Variants in PRKN observed in about 807,000 individuals in gnomAD.
PRKN encodes the protein E3 ubiquitin-protein ligase parkin.
In PRKN, 56 loss-of-function variants were observed where a neutral mutation model predicts 59.5. That is an observed-to-expected ratio of 0.94 (90% CI 0.76 to 1.18). PRKN has a LOEUF of 1.18. PRKN is among the 50% of genes most tolerant of loss of function. The pLI, the probability that PRKN is intolerant of heterozygous loss-of-function variation, is 0.00. For synonymous variants in PRKN, 250 were observed against 222.1 expected (o/e 1.13, Z -1.12); for missense variants, 657 against 596.4 (o/e 1.10, Z -1.06).
rs145451710 is a variant in PRKN at position 162,090,140 on chromosome 6, T to TTG, written c.535-35968_535-35967dup. Reference sequence around the variant, plus strand: ...AAAGTGCTGAGGAACCACGCAGTATTTGTGTGTGTGTGTGTGTCTGTGTAC... The same window carrying TTG: ...AAAGTGCTGAGGAACCACGCAGTATTTGTGTGTGTGTGTGTGTGTCTGTGTAC... On this transcript the variant is annotated intron_variant, in intron 4 of 11. Transcript: ENST00000366898. 4.8e-3 allele frequency among the ~76,000 whole-genome samples: 720 copies of TTG among 150,768 alleles called. 7 individuals carry two copies. The highest frequency in any genetic ancestry group is 0.016 in the African/African-American group (659 of 41,286).
intron 9 of PRKN, among the ~76,000 whole-genome samples, chr6:161,394,164 G>A (rs541079747): frequency 1.6e-4 from 25 of 152,206 alleles, no homozygotes; most frequent in Non-Finnish European, 2.6e-4. Flanking sequence ...ACACAATTTT[G>A]AAAAGAAGAA....
intron 8 of PRKN, among the ~76,000 whole-genome samples, chr6:161,567,037 T>TTTTTTTGTGTG (rs548743646): frequency 4.8e-5 from 5 of 103,766 alleles, no homozygotes; most frequent in East Asian, 3.7e-4. Context: ...TTTTTTTTTT[T>TTTTTTTGTGTG]TGTGTGTGTG....
rs113509856 is a variant in PRKN, at chr6:162,148,993, TC to T, written c.534+52137del. On this transcript the variant is annotated intron_variant, in intron 4 of 11. Coordinates refer to ENST00000366898, the MANE Select transcript of PRKN (RefSeq NM_004562.3). ...GGTACTTACGGGACAAACAGATTCTTCTCATTCATTCATACTTAAGATATGG... is the reference window on the plus strand; with the variant it reads ...GGTACTTACGGGACAAACAGATTCTTTCATTCATTCATACTTAAGATATGG... Among the ~76,000 whole-genome samples, 687 of 152,284 alleles carry T rather than the reference TC, an allele frequency of 4.5e-3. 6 individuals carry two copies. Among genetic ancestry groups the T allele is most frequent in the African/African-American group, 0.016 (659 of 41,560 alleles).
chr6:161,953,390 G>A (rs1161587258), intron 6 of PRKN, among the ~76,000 whole-genome samples: 6 of 152,170 alleles, frequency 3.9e-5, no homozygotes, highest in African/African-American at 1.2e-4. Flanking sequence ...GATTACAGGC[G>A]TGAGCCACTG....
chr6:162,264,383 C>T lies in PRKN; in HGVS notation c.172-1618G>A, dbSNP rs147900770. Reference sequence around the variant, plus strand: ...GCTCCAAGAACACTCAAGTGAAATGCATCCATAACTCATAGCGATGAATGA... The same window carrying T: ...GCTCCAAGAACACTCAAGTGAAATGTATCCATAACTCATAGCGATGAATGA... On this transcript the variant is annotated intron_variant, in intron 2 of 11. Transcript: ENST00000366898. Among the ~76,000 whole-genome samples, 4 of 152,220 alleles carry T rather than the reference C, an allele frequency of 2.6e-5. No individual in the cohort carries two copies. The East Asian group carries it at 7.7e-4, about 29-fold the overall frequency.
chr6:162,173,589 G>A (rs1180980851), intron 4 of PRKN, among the ~76,000 whole-genome samples: 1 of 150,918 alleles, frequency 6.6e-6, no homozygotes, highest in Non-Finnish European at 1.5e-5. Flanking sequence ...CTTTGTCATG[G>A]CCTCAGGGAG....
At chr6:162,720,443 T>C (rs1353380687) in intron 1 of PRKN, among the ~76,000 whole-genome samples, 3 of 8,662 alleles carry the variant, frequency 3.5e-4, no homozygotes, top group Admixed American at 4.2e-3. Context: ...ATGGTCTTTT[T>C]TTTTTTTTTT....
At chr6:162,719,908 A>AC (rs1562523797) in intron 1 of PRKN, among the ~76,000 whole-genome samples, 192 of 7,746 alleles carry the variant, frequency 0.025, 2 homozygotes, top group African/African-American at 0.081. Context: ...AAAAAAAAAA[A>AC]AAAAAAAAAA....
intron 4 of PRKN, among the ~76,000 whole-genome samples, chr6:162,177,500 A>T (rs1430453228): frequency 6.6e-6 from 1 of 152,240 alleles, no homozygotes; most frequent in Non-Finnish European, 1.5e-5. Flanking sequence ...TTCATTGCTA[A>T]AAGGCACTGG....
At chr6:162,015,886 T>C (rs1227338670) in intron 5 of PRKN, among the ~76,000 whole-genome samples, 1 of 152,164 alleles carries the variant, frequency 6.6e-6, no homozygotes, top group African/African-American at 2.4e-5. Flanking sequence ...GGGTAGGATA[T>C]TCTTAGAGAT....
chr6:161,927,333 A>C (rs1779006140), intron 6 of PRKN, among the ~76,000 whole-genome samples: 1 of 152,210 alleles, frequency 6.6e-6, no homozygotes, highest in Non-Finnish European at 1.5e-5. Flanking sequence ...TACATACAGG[A>C]AAATTAGGCC....
chr6:162,618,469 T>C (rs1008511672), intron 1 of PRKN, among the ~76,000 whole-genome samples: 3 of 152,168 alleles, frequency 2.0e-5, no homozygotes, highest in African/African-American at 4.8e-5. Flanking sequence ...TATACAATTA[T>C]ATGGAAATCC....
At chr6:162,231,932 G>T (rs559733923) in intron 3 of PRKN, among the ~76,000 whole-genome samples, 1 of 152,260 alleles carries the variant, frequency 6.6e-6, no homozygotes, top group East Asian at 1.9e-4. Flanking sequence ...TAAGGGCCTG[G>T]CTGGGTTAAG....
chr6:161,744,676 C>G (rs1788339322), intron 7 of PRKN, among the ~76,000 whole-genome samples: 2 of 152,206 alleles, frequency 1.3e-5, no homozygotes, highest in Non-Finnish European at 2.9e-5. Context: ...TGGTCTATTC[C>G]TTCACTGTAC....
At chr6:161,944,042 G>A (rs959784834) in intron 6 of PRKN, among the ~76,000 whole-genome samples, 1 of 145,364 alleles carries the variant, frequency 6.9e-6, no homozygotes, top group African/African-American at 2.5e-5. Context: ...TCAGCCTGAG[G>A]GACCAGCCTG....
intron 3 of PRKN, among the ~76,000 whole-genome samples, chr6:162,235,111 T>C (rs1778593364): frequency 6.6e-6 from 1 of 152,214 alleles, no homozygotes; most frequent in South Asian, 2.1e-4. Context: ...AATGAGAGGC[T>C]TAAGGGATAT....
At chr6:161,608,557 G>A (rs954937158) in intron 7 of PRKN, among the ~76,000 whole-genome samples, 2 of 151,496 alleles carry the variant, frequency 1.3e-5, no homozygotes, top group African/African-American at 4.9e-5. Context: ...TTTTTAGACA[G>A]AGTCTCTCTC....
intron 7 of PRKN, among the ~76,000 whole-genome samples, chr6:161,763,245 T>C (rs1789279148): frequency 6.6e-6 from 1 of 152,082 alleles, no homozygotes; most frequent in Admixed American, 6.6e-5. Context: ...AGTTGGCACG[T>C]TCCTGCCGGA....
chr6:162,110,795 T>C (rs1318143579), intron 4 of PRKN, among the ~76,000 whole-genome samples: 1 of 152,150 alleles, frequency 6.6e-6, no homozygotes, highest in Non-Finnish European at 1.5e-5. Context: ...GAGCTGGCGT[T>C]CTGTGTTGCT....
Sources: allele counts gnomAD v4.1 joint callset (sites outside exome capture counted in the v4.1 genomes callset), GRCh38; gene constraint gnomAD v4.1.1; transcripts MANE v1.5; gene names NCBI Gene and HGNC (gene_info 2026-07-23, HGNC 2026-07-21).